Variants in MEIS2 observed in about 807,000 individuals in gnomAD.
The protein encoded by MEIS2 is homeobox protein Meis2.
MEIS2 carries 9 observed loss-of-function variants against 58.6 expected under a neutral mutation model. The ratio of observed to expected loss-of-function variants is 0.15; its 90% confidence interval spans 0.09 to 0.27. The LOEUF is 0.27. Ranked by LOEUF, MEIS2 falls within the 10% of genes least tolerant of loss-of-function variation. MEIS2 has a pLI of 1.00. For synonymous variants in MEIS2, 221 were observed against 228.4 expected, an observed-to-expected ratio of 0.97 and a Z score of 0.29; for missense variants, 427 against 635.0, an observed-to-expected ratio of 0.67 and a Z score of 3.52.
At chr15:37,096,084 G>T (rs1567295038) in intron 3 of MEIS2, 1 of 553,132 alleles carries the variant, frequency 1.8e-6, no homozygotes, top group African/African-American at 1.9e-5. Flanking sequence ...CTGTATTCCT[G>T]CTGGGGGGGA....
chr15:37,034,225 G>A (rs1396064324), intron 8 of MEIS2, among the ~76,000 whole-genome samples: 1 of 152,164 alleles, frequency 6.6e-6, no homozygotes, highest in African/African-American at 2.4e-5. Flanking sequence ...TGGGAAAGGA[G>A]CTTATCCATC....
intron 9 of MEIS2, among the ~76,000 whole-genome samples, chr15:36,930,528 C>T (rs1223941881): frequency 6.6e-6 from 1 of 152,172 alleles, no homozygotes; most frequent in East Asian, 1.9e-4. Flanking sequence ...CATTATCGCT[C>T]ATTCCTCATT....
intron 9 of MEIS2, chr15:36,897,431 C>T (rs900009084): frequency 1.3e-5 from 2 of 152,184 alleles, no homozygotes; most frequent in African/African-American, 4.8e-5. Flanking sequence ...GTGGCTGAAT[C>T]GCAGGAATGC....
chr15:37,062,038 G>A (rs1889284477), intron 7 of MEIS2, among the ~76,000 whole-genome samples: 1 of 152,236 alleles, frequency 6.6e-6, no homozygotes, highest in Non-Finnish European at 1.5e-5. Context: ...ACTAGTGTCA[G>A]TCATCAGCTC....
At chr15:36,966,541 T>G (rs2059364769) in intron 8 of MEIS2, among the ~76,000 whole-genome samples, 1 of 152,158 alleles carries the variant, frequency 6.6e-6, no homozygotes, top group African/African-American at 2.4e-5. Flanking sequence ...CCCCAGGACT[T>G]GAGTTCTTCG....
intron 8 of MEIS2, among the ~76,000 whole-genome samples, chr15:37,005,301 T>C (rs1037187724): frequency 6.6e-6 from 1 of 152,124 alleles, no homozygotes; most frequent in South Asian, 2.1e-4. Flanking sequence ...AAGAGTAAGA[T>C]GATAAAAAAC....
intron 7 of MEIS2, among the ~76,000 whole-genome samples, chr15:37,077,789 T>C (rs1455481350): frequency 6.6e-6 from 1 of 151,948 alleles, no homozygotes; most frequent in Non-Finnish European, 1.5e-5. Context: ...TCCAGAGTAT[T>C]GGACATGTAA....
At chr15:37,098,291 C>A in intron 1 of MEIS2, 92 bp from the exon 2 acceptor site, 6 of 1,302,506 alleles carry the variant, frequency 4.6e-6, no homozygotes, top group South Asian at 1.7e-5. Flanking sequence ...GAGAAGAGGG[C>A]GAACAGAAAA....
Position 37,098,020 on chromosome 15 carries a change from A to G in MEIS2, c.192T>C (p.Ser64=), listed in dbSNP as rs1894516281. Residue 64 remains serine (S), a synonymous_variant, in exon 2 of 12, where the codon AGT becomes AGC. Transcript: ENST00000561208. ...AGGCGTCGTTGACAGCGGATCCCAT[A>G]CTGGCCGGCATGACATTGGGGTGCG... ...HAPHPNVMPA[S]MGSAVNDALK... 6.2e-7 allele frequency: 1 copy of G among 1,612,538 alleles called. No homozygotes were observed. The highest frequency in any genetic ancestry group is 1.3e-5 in the African/African-American group (1 of 74,854).
At chr15:36,930,932 G>T (rs554011734) in intron 9 of MEIS2, among the ~76,000 whole-genome samples, 1 of 151,926 alleles carries the variant, frequency 6.6e-6, no homozygotes, top group African/African-American at 2.4e-5. Context: ...CACGTAGTTC[G>T]AAAGTTGCCT....
At chr15:37,056,272 T>C (rs1309789858) in intron 7 of MEIS2, among the ~76,000 whole-genome samples, 1 of 152,162 alleles carries the variant, frequency 6.6e-6, no homozygotes, top group Non-Finnish European at 1.5e-5. Context: ...GCTCGCAGAT[T>C]TTCAGAAGTT....
chr15:36,976,916 G>A (rs2059778473), intron 8 of MEIS2, among the ~76,000 whole-genome samples: 1 of 152,162 alleles, frequency 6.6e-6, no homozygotes, highest in Non-Finnish European at 1.5e-5. Flanking sequence ...CTGAAGTCGG[G>A]AGTTCGAGAC....
chr15:37,066,610 A>C (rs1240696342), intron 7 of MEIS2: 1 of 152,332 alleles, frequency 6.6e-6, no homozygotes, highest in East Asian at 1.9e-4. Context: ...CACTAAATAT[A>C]CAGTATTCCT....
intron 7 of MEIS2, among the ~76,000 whole-genome samples, chr15:37,051,921 C>T (rs909397513): frequency 6.6e-6 from 1 of 151,824 alleles, no homozygotes; most frequent in Non-Finnish European, 1.5e-5. Flanking sequence ...CAAAAAATAT[C>T]TCCATTGTTC....
At chr15:36,915,829 G>A (rs1358149177) in intron 9 of MEIS2, among the ~76,000 whole-genome samples, 2 of 152,218 alleles carry the variant, frequency 1.3e-5, no homozygotes, top group African/African-American at 4.8e-5. Context: ...AACCATGGCT[G>A]AACCAAAATT....
chr15:37,066,677 T>C (rs942333469), intron 7 of MEIS2: 5 of 152,230 alleles, frequency 3.3e-5, no homozygotes, highest in African/African-American at 9.6e-5. Context: ...AGATACAGCA[T>C]GCTAGAGTTG....
At chr15:37,043,653 T>A (rs1276570069) in intron 7 of MEIS2, among the ~76,000 whole-genome samples, 1 of 151,814 alleles carries the variant, frequency 6.6e-6, no homozygotes, top group Admixed American at 6.6e-5. Context: ...AGTAACCAGT[T>A]CTCTATCTCT....
At chr15:36,911,061 A>G (rs1595704671) in intron 9 of MEIS2, among the ~76,000 whole-genome samples, 2 of 151,722 alleles carry the variant, frequency 1.3e-5, no homozygotes, top group South Asian at 2.1e-4. Flanking sequence ...AAAAAAAAAA[A>G]AAGAACTTTT....
rs572409460 is a variant in MEIS2, at chr15:36,971,461, C to T, written c.901-21061G>A. 1.6e-4 allele frequency among the ~76,000 whole-genome samples: 23 copies of T among 139,558 alleles called. 1 individual carries two copies. In the South Asian group the frequency reaches 4.1e-3, roughly 25 times the overall value. 91.6% of individuals were successfully genotyped at this position (139,558 alleles called of 152,430 possible). On this transcript the variant is annotated intron_variant, in intron 8 of 11. Transcript: ENST00000561208. ...CTGAAAGCTGGAAGCTAAATTTGGC[C>T]GTAAGAAACTGGCTTGGAACTTCAG...
Sources: allele counts gnomAD v4.1 joint callset (sites outside exome capture counted in the v4.1 genomes callset), GRCh38; gene constraint gnomAD v4.1.1; transcripts MANE v1.5; gene names NCBI Gene and HGNC (gene_info 2026-07-23, HGNC 2026-07-21).